Variants in GALNT13 observed in about 807,000 individuals in gnomAD.
GALNT13 encodes the protein polypeptide N-acetylgalactosaminyltransferase 13.
Under a neutral mutation model 64.2 loss-of-function variants are expected in GALNT13, and 28 were observed. The ratio of observed to expected loss-of-function variants is 0.44; its 90% CI spans 0.32 to 0.60. The LOEUF (loss-of-function observed/expected upper bound fraction) is 0.60, where lower values mean the gene tolerates loss of function less well. Among genes scored for constraint, GALNT13 ranks in the 20% least tolerant of loss-of-function variants. The pLI, the probability that GALNT13 is intolerant of heterozygous loss-of-function variation, is 0.05. For synonymous variants in GALNT13, 214 were observed against 224.6 expected, an observed-to-expected ratio of 0.95 and a Z score of 0.42; for missense variants, 577 against 669.8, an observed-to-expected ratio of 0.86 and a Z score of 1.53.
chr2:154,101,736 A>T (rs1465269526), intron 3 of GALNT13, among the ~76,000 whole-genome samples: 1 of 152,004 alleles, frequency 6.6e-6, no homozygotes, highest in Non-Finnish European at 1.5e-5. Flanking sequence ...TTGAGGTGTG[A>T]CATTAAATTA....
intron 4 of GALNT13, among the ~76,000 whole-genome samples, chr2:154,199,853 C>A (rs940344928): frequency 2.0e-5 from 3 of 151,954 alleles, no homozygotes; most frequent in Admixed American, 6.6e-5. Flanking sequence ...TATCTGAACT[C>A]TTTCTTGAAT....
chr2:153,375,357 C>T, the GALNT13 span, among the ~76,000 whole-genome samples: 1 of 152,062 alleles, frequency 6.6e-6, no homozygotes, highest in Non-Finnish European at 1.5e-5. Flanking sequence ...AATTCACTTA[C>T]GGATAAATGG....
intron 9 of GALNT13, among the ~76,000 whole-genome samples, chr2:154,391,760 T>G (rs948172938): frequency 1.3e-5 from 2 of 152,190 alleles, no homozygotes; most frequent in African/African-American, 4.8e-5. Context: ...GTAGGATACC[T>G]TATCCTTCAA....
chr2:154,273,864 A>G (rs1435506311), intron 8 of GALNT13, among the ~76,000 whole-genome samples: 2 of 152,140 alleles, frequency 1.3e-5, no homozygotes, highest in African/African-American at 4.8e-5. Flanking sequence ...TTTCTAAGAG[A>G]TTATATTTTG....
chr2:153,230,207 A>G, the GALNT13 span, among the ~76,000 whole-genome samples: 1 of 152,356 alleles, frequency 6.6e-6, no homozygotes, highest in Middle Eastern at 3.4e-3. Context: ...GAGATGGTAA[A>G]GTCAAGAACT....
chr2:153,136,029 G>C, the GALNT13 span, among the ~76,000 whole-genome samples: 1 of 152,060 alleles, frequency 6.6e-6, no homozygotes, highest in African/African-American at 2.4e-5. Context: ...GACATTTTCA[G>C]ATGTGCTTCC....
At chr2:153,964,101 T>G (rs1693154471) in intron 3 of GALNT13, among the ~76,000 whole-genome samples, 1 of 152,090 alleles carries the variant, frequency 6.6e-6, no homozygotes, top group South Asian at 2.1e-4. Flanking sequence ...CCTCCATTCA[T>G]TCAAAAATAT....
At chr2:153,900,863 G>C (rs1308946432) in intron 1 of GALNT13, 73 bp from the exon 2 acceptor site, 1 of 152,116 alleles carries the variant, frequency 6.6e-6, no homozygotes, top group Non-Finnish European at 1.5e-5. Flanking sequence ...GTTTAAGTGT[G>C]TGTTGGTCTG....
intron 4 of GALNT13, among the ~76,000 whole-genome samples, chr2:154,171,220 C>T (rs1470331431): frequency 1.3e-5 from 2 of 152,046 alleles, no homozygotes; most frequent in Non-Finnish European, 2.9e-5. Context: ...GAGAGGCTTC[C>T]ATCCTCAAAC....
chr2:154,068,530 C>T (rs1290916665), intron 3 of GALNT13, among the ~76,000 whole-genome samples: 2 of 143,976 alleles, frequency 1.4e-5, no homozygotes, highest in African/African-American at 4.9e-5. Flanking sequence ...TAATATTCAT[C>T]CATAAAAAAA....
the GALNT13 span, among the ~76,000 whole-genome samples, chr2:153,843,106 A>G: frequency 6.6e-6 from 1 of 152,164 alleles, no homozygotes. Flanking sequence ...AGCTTAAGAG[A>G]TATATTAGGC....
the GALNT13 span, among the ~76,000 whole-genome samples, chr2:153,609,144 G>A: frequency 2.0e-5 from 3 of 151,926 alleles, no homozygotes; most frequent in Non-Finnish European, 4.4e-5. Flanking sequence ...GTTTCACCAT[G>A]TTCCCCAGGC....
rs561654656 is a variant in GALNT13 at position 154,421,216 on chromosome 2, A to T, written c.1395+12134A>T. Among the ~76,000 whole-genome samples, 9 of 152,240 alleles carry T rather than the reference A, an allele frequency of 5.9e-5. No homozygotes were observed. In the East Asian group the frequency reaches 1.7e-3, roughly 29 times the overall value. ...GAAATGAAGATATTTGATATATTTT[A>T]TAGCACAAAATACATTTTATATTCT... On this transcript the variant is annotated intron_variant, in intron 11 of 12. Coordinates refer to ENST00000392825, the MANE Select transcript of GALNT13 (RefSeq NM_052917.4).
In GALNT13 at chr2:154,181,997, G is replaced by A. The variant is rs185378305; in HGVS notation, c.311+41492G>A. On this transcript the variant is annotated intron_variant, in intron 4 of 12. Transcript: ENST00000392825. Reference sequence around the variant, plus strand: ...ATGAGAGTCTAATAAGATTAACAGTGATAACATAATTGAAATACTCAGAGA... The same window carrying A: ...ATGAGAGTCTAATAAGATTAACAGTAATAACATAATTGAAATACTCAGAGA... Among the ~76,000 whole-genome samples the A allele has an allele frequency of 8.4e-4, 127 of 151,958 alleles. 1 individual carries two copies. The highest frequency in any genetic ancestry group is 3.1e-3 in the African/African-American group (127 of 41,472).
At chr2:153,153,941 A>G in the GALNT13 span, among the ~76,000 whole-genome samples, 3 of 152,010 alleles carry the variant, frequency 2.0e-5, no homozygotes, top group Admixed American at 1.3e-4. Context: ...AAGAATATCA[A>G]TGTTAGTTTA....
chr2:153,286,536 G>T, the GALNT13 span, among the ~76,000 whole-genome samples: 2 of 152,212 alleles, frequency 1.3e-5, no homozygotes, highest in East Asian at 3.9e-4. Flanking sequence ...AATTAAATTT[G>T]TTTGATATAT....
chr2:153,633,987 C>T, the GALNT13 span, among the ~76,000 whole-genome samples: 1 of 151,960 alleles, frequency 6.6e-6, no homozygotes, highest in African/African-American at 2.4e-5. Flanking sequence ...AAATTAGCTA[C>T]CTTTTGAGTG....
At chr2:153,680,555 T>C in the GALNT13 span, among the ~76,000 whole-genome samples, 1 of 151,810 alleles carries the variant, frequency 6.6e-6, no homozygotes, top group Admixed American at 6.6e-5. Context: ...TGCACAAACA[T>C]ATATATATCT....
At chr2:154,012,673 G>T (rs1696729085) in intron 3 of GALNT13, among the ~76,000 whole-genome samples, 1 of 151,996 alleles carries the variant, frequency 6.6e-6, no homozygotes, top group Non-Finnish European at 1.5e-5. Context: ...CAGGTTGCTT[G>T]CTCTCCCTCT....
Sources: gnomAD v4.1 joint callset for allele counts (sites outside exome capture counted in the v4.1 genomes callset) on GRCh38, gnomAD v4.1.1 for gene constraint, MANE v1.5 for transcripts, NCBI Gene and HGNC (gene_info 2026-07-23, HGNC 2026-07-21) for gene names.